Variants in MAST3 observed in about 807,000 individuals in gnomAD.
MAST3 encodes microtubule-associated serine/threonine-protein kinase 3.
MAST3 carries 43 observed loss-of-function variants against 127.0 expected under a neutral mutation model. The observed-to-expected ratio is 0.34, with a 90% CI of 0.27 to 0.44. The LOEUF is 0.44. MAST3 is among the 20% of genes least tolerant of loss of function. The pLI is 1.00. For synonymous variants in MAST3, 785 were observed against 809.2 expected (o/e 0.97, Z 0.51); for missense variants, 1,390 against 1,919.1 (o/e 0.72, Z 5.15).
At chr19:18,109,446 G>C (rs1279673640) in intron 2 of MAST3, among the ~76,000 whole-genome samples, 1 of 152,122 alleles carries the variant, frequency 6.6e-6, no homozygotes, top group Non-Finnish European at 1.5e-5. Flanking sequence ...GAGGACTGCC[G>C]AGGGCAAAGT....
rs752899639 is a variant in MAST3, at chr19:18,147,058, G to C, written c.3326+14G>C. 8 of 1,507,210 alleles carry C rather than the reference G, an allele frequency of 5.3e-6. No individual in the cohort carries two copies. The East Asian group carries it at 1.7e-4, about 32-fold the overall frequency. The allele number at this position is 1,507,210 out of a possible 1,614,324, so 93.4% of individuals were successfully genotyped here. A position where few individuals can be genotyped will look rare whatever the true frequency, so the allele number is the denominator to read the frequency against. On this transcript the variant is annotated intron_variant, in intron 26 of 27. Transcript: ENST00000687212. ...CACCAGGGAGCGGTACACAGGGGGC[G>C]GGGCCACGGGGACTGGGGTTCTTTT...
In MAST3 at chr19:18,145,088, C is replaced by T; in HGVS notation, c.2898C>T (p.Ser966=). Residue 966 remains serine (S), a synonymous_variant, in exon 24 of 28, where the codon AGC becomes AGT. Coordinates refer to ENST00000687212, the MANE Select transcript of MAST3 (RefSeq NM_001393504.1). The surrounding 1 kb of genome is among the most constrained non-coding windows in gnomAD (Gnocchi z 5.9). The part of the protein sequence containing the change: ...SNPSSRDSSP[S]RDPSPVCGSL... ...CGTCGTCCCGTGACTCTTCGCCGAGCCGAGACCCGTCCCCCGTGTGTGGCA... is the reference window on the plus strand; with the variant it reads ...CGTCGTCCCGTGACTCTTCGCCGAGTCGAGACCCGTCCCCCGTGTGTGGCA... 6.2e-7 allele frequency: 1 copy of T among 1,613,536 alleles called. No individual in the cohort carries two copies. The highest frequency in any genetic ancestry group is 8.5e-7 in the Non-Finnish European group (1 of 1,179,860).
At chr19:18,120,784 C>T (rs1051166902) in intron 3 of MAST3, among the ~76,000 whole-genome samples, 4 of 152,022 alleles carry the variant, frequency 2.6e-5, no homozygotes, top group African/African-American at 7.3e-5. Context: ...TGGAGTGTAA[C>T]GGCACGATCT....
At chr19:18,113,771 T>C (rs1426500661) in intron 3 of MAST3, among the ~76,000 whole-genome samples, 6 of 152,098 alleles carry the variant, frequency 3.9e-5, no homozygotes, top group Admixed American at 6.5e-5. Flanking sequence ...CTGATCTTTA[T>C]ATTTTTAGTA....
intron 3 of MAST3, among the ~76,000 whole-genome samples, chr19:18,121,146 G>GTGCCCAGCCT (rs1171875077): frequency 6.6e-6 from 1 of 151,952 alleles, no homozygotes; most frequent in Non-Finnish European, 1.5e-5. Flanking sequence ...ATGAGCCACT[G>GTGCCCAGCCT]TGCCCAGCCT....
At chr19:18,128,546 G>T in intron 12 of MAST3, 88 bp downstream of exon 12, 1 of 1,327,086 alleles carries the variant, frequency 7.5e-7, no homozygotes. Flanking sequence ...GTTTGCCGAG[G>T]TCTTGCATGT....
chr19:18,109,231 G>A (rs868072750), intron 2 of MAST3, among the ~76,000 whole-genome samples: 44 of 140,020 alleles, frequency 3.1e-4, no homozygotes, highest in Non-Finnish European at 5.4e-4. Flanking sequence ...AGGACAGAAG[G>A]AGGAGGTCCT....
At chr19:18,137,028 G>A (rs2041960568) in intron 18 of MAST3, among the ~76,000 whole-genome samples, 2 of 151,478 alleles carry the variant, frequency 1.3e-5, no homozygotes, top group Non-Finnish European at 2.9e-5. Flanking sequence ...TGCCATGCTG[G>A]CCAGACTGGT....
intron 3 of MAST3, among the ~76,000 whole-genome samples, chr19:18,116,309 T>G (rs1428244356): frequency 6.6e-6 from 1 of 151,004 alleles, no homozygotes; most frequent in African/African-American, 2.4e-5. Flanking sequence ...TTTATTTTTT[T>G]GAGACAGAGT....
At chr19:18,136,923 G>A (rs981624419) in intron 18 of MAST3, among the ~76,000 whole-genome samples, 1 of 152,130 alleles carries the variant, frequency 6.6e-6, no homozygotes, top group Non-Finnish European at 1.5e-5. Context: ...CCAGGTTCGA[G>A]CGATTCTCTT....
At chr19:18,133,207 G>T (rs1000894214) in intron 15 of MAST3, among the ~76,000 whole-genome samples, 1 of 152,050 alleles carries the variant, frequency 6.6e-6, no homozygotes, top group East Asian at 1.9e-4. Flanking sequence ...GCCTGTGCTC[G>T]ATGCTCTAAG....
Position 18,149,524 on chromosome 19 carries a change from G to T in MAST3, c.3842G>T (p.Gly1281Val). The T allele has an allele frequency of 6.4e-7, 1 of 1,554,458 alleles. No individual in the cohort carries two copies. The change falls in exon 28 of 28, where the codon GGG becomes GTG. Residue 1281 changes from glycine to valine, a missense_variant. By Grantham distance (109) the Gly-to-Val change is moderately radical. Around this residue, in one of 5 missense-constraint regions of MAST3, gnomAD observed 816 missense variants for 934.1 expected, o/e 0.87. Transcript: ENST00000687212. The surrounding 1 kb of genome is among the most constrained non-coding windows in gnomAD (Gnocchi z 5.9). ...LDGEAGRRTR[G>V]PEAELVVMRR... Reference sequence around the variant, plus strand: ...GGGGAGGCGGGGCGGCGCACTCGTGGGCCAGAGGCCGAGCTCGTGGTCATG... The same window carrying T: ...GGGGAGGCGGGGCGGCGCACTCGTGTGCCAGAGGCCGAGCTCGTGGTCATG...
intron 1 of MAST3, among the ~76,000 whole-genome samples, chr19:18,106,540 CTTATTTATTTATTTATTTATTTAT>C (rs143547108): frequency 5.1e-5 from 7 of 136,010 alleles, no homozygotes; most frequent in Non-Finnish European, 1.1e-4. Flanking sequence ...CTTGGCCCTT[CTTATTTATTTATTTATTTATTTAT>C]TTATTTATTT....
Position 18,110,787 on chromosome 19 carries a change from C to T in MAST3, c.161+46C>T, listed in dbSNP as rs1467292451. 7.6e-6 allele frequency: 7 copies of T among 921,916 alleles called. No individual in the cohort carries two copies. The highest frequency in any genetic ancestry group is 9.1e-6 in the Non-Finnish European group (7 of 771,900). The allele number at this position is 921,916 out of a possible 1,614,324, so 57.1% of individuals were successfully genotyped here. The stretch of plus-strand genomic sequence containing the variant: ...GCGGGGCGCAGACATCGCCCTGGCA[C>T]CCCAGAGCCTTGGAAACCCTCCAGA... On this transcript the variant is annotated intron_variant, in intron 3 of 27. Coordinates refer to ENST00000687212, the MANE Select transcript of MAST3 (RefSeq NM_001393504.1). This position sits in a 1 kb window ranked among gnomAD's most constrained non-coding sequence, Gnocchi z 4.3.
At chr19:18,118,353 T>G in intron 3 of MAST3, 1 of 720,514 alleles carries the variant, frequency 1.4e-6, no homozygotes, top group Non-Finnish European at 1.7e-6. Flanking sequence ...ACGGCGAGCG[T>G]CTGTCTGTGG....
chr19:18,139,262 A>C, intron 20 of MAST3, 138 bp downstream of exon 20: 1 of 630,540 alleles, frequency 1.6e-6, no homozygotes, highest in Non-Finnish European at 2.9e-6. Flanking sequence ...GCTGGTCTCC[A>C]ACTCCTGAAC....
At chr19:18,100,214 T>A (rs908223943) in intron 1 of MAST3, among the ~76,000 whole-genome samples, 1 of 149,334 alleles carries the variant, frequency 6.7e-6, no homozygotes, top group Non-Finnish European at 1.5e-5. Context: ...AACCTCCACC[T>A]CCCGGGTTCA....
intron 11 of MAST3, among the ~76,000 whole-genome samples, chr19:18,125,040 G>A (rs540419274): frequency 4.5e-4 from 69 of 152,242 alleles, no homozygotes; most frequent in Non-Finnish European, 7.6e-4. Context: ...TCAGGAGATG[G>A]AGGTTGCAGT....
chr19:18,121,152 A>C (rs1392158308), intron 3 of MAST3, among the ~76,000 whole-genome samples: 1 of 151,624 alleles, frequency 6.6e-6, no homozygotes, highest in African/African-American at 2.4e-5. Flanking sequence ...CACTGTGCCC[A>C]GCCTTGTTTT....
Sources: gnomAD v4.1 joint callset for allele counts (sites outside exome capture counted in the v4.1 genomes callset) on GRCh38, gnomAD v4.1.1 for gene constraint, gnomAD v4.1.1 regional missense constraint, Gnocchi (gnomAD v3.1) non-coding constraint, MANE v1.5 for transcripts, NCBI Gene and HGNC (gene_info 2026-07-23, HGNC 2026-07-21) for gene names.